Variants in CADM2 observed in about 807,000 individuals in gnomAD.
CADM2 encodes immunoglobulin superfamily member 4D.
CADM2 carries 12 observed loss-of-function variants against 49.8 expected under a neutral mutation model. The observed-to-expected ratio is 0.24, with a 90% CI of 0.15 to 0.39. The LOEUF (loss-of-function observed/expected upper bound fraction) is 0.39. Ranked by LOEUF, CADM2 falls within the 10% of genes least tolerant of loss-of-function variation. The pLI, the probability that CADM2 is intolerant of heterozygous loss-of-function variation, is 1.00. For synonymous variants in CADM2, 214 were observed against 175.4 expected (o/e 1.22, Z -1.74); for missense variants, 378 against 492.3 (o/e 0.77, Z 2.20).
At chr3:85,855,533 AT>A (rs2075272009) in intron 3 of CADM2, among the ~76,000 whole-genome samples, 1 of 148,764 alleles carries the variant, frequency 6.7e-6, no homozygotes, top group South Asian at 2.1e-4. Context: ...TTCAGTAAAA[AT>A]GTCAAGAATT....
chr3:85,302,734 A>T (rs999543172), intron 1 of CADM2, among the ~76,000 whole-genome samples: 2 of 151,980 alleles, frequency 1.3e-5, no homozygotes, highest in African/African-American at 4.8e-5. Context: ...AGTGAGTCTG[A>T]CAAAAAGCTT....
At chr3:85,796,568 G>C (rs778829912) in intron 2 of CADM2, among the ~76,000 whole-genome samples, 3 of 152,104 alleles carry the variant, frequency 2.0e-5, no homozygotes, top group Non-Finnish European at 2.9e-5. Flanking sequence ...AGGAGACAAA[G>C]CCTCTGATAT....
At chr3:85,287,077 T>C (rs2043650925) in intron 1 of CADM2, among the ~76,000 whole-genome samples, 1 of 152,090 alleles carries the variant, frequency 6.6e-6, no homozygotes, top group South Asian at 2.1e-4. Context: ...AGTATAGAAT[T>C]TAACTGAACA....
intron 1 of CADM2, among the ~76,000 whole-genome samples, chr3:85,571,490 CAT>C (rs1286372425): frequency 6.6e-6 from 1 of 151,744 alleles, no homozygotes; most frequent in Non-Finnish European, 1.5e-5. Flanking sequence ...CGCATGTGCA[CAT>C]GTGTGTATTT....
chr3:85,571,480 C>T (rs529521116), intron 1 of CADM2, among the ~76,000 whole-genome samples: 22 of 151,478 alleles, frequency 1.5e-4, no homozygotes, highest in African/African-American at 3.1e-4. Context: ...TGTGTGCACA[C>T]GCATGTGCAC....
Position 84,970,044 on chromosome 3 carries a change from C to CTTT in CADM2, c.61+10397_61+10399dup, listed in dbSNP as rs33980527. ...ACCAGATTATGTGTGGACTGACCTG[C>CTTT]TTTTTTTTTTTTTTTTTTTTTTTAC... On this transcript the variant is annotated intron_variant, in intron 1 of 9. Transcript: ENST00000383699. Among the ~76,000 whole-genome samples, 337 of 103,528 alleles carry CTTT rather than the reference C, an allele frequency of 3.3e-3. 5 individuals carry two copies. The highest frequency in any genetic ancestry group is 0.018 in the Middle Eastern group (3 of 168). 67.9% of individuals were successfully genotyped at this position (103,528 alleles called of 152,430 possible). A position where few individuals can be genotyped will look rare whatever the true frequency, so the allele number is the denominator to read the frequency against.
intron 1 of CADM2, among the ~76,000 whole-genome samples, chr3:85,466,784 G>C (rs2038513338): frequency 6.6e-6 from 1 of 150,666 alleles, no homozygotes; most frequent in African/African-American, 2.4e-5. Flanking sequence ...TTTTTCAACA[G>C]TTTCCCCCCA....
chr3:85,942,786 A>G (rs1158434276), intron 7 of CADM2, among the ~76,000 whole-genome samples: 1 of 152,084 alleles, frequency 6.6e-6, no homozygotes, highest in Non-Finnish European at 1.5e-5. Flanking sequence ...ATAATGTCGC[A>G]GTAAACATAC....
chr3:85,804,781 G>A (rs1255062110), intron 3 of CADM2, among the ~76,000 whole-genome samples: 1 of 152,104 alleles, frequency 6.6e-6, no homozygotes, highest in Non-Finnish European at 1.5e-5. Flanking sequence ...TAAAAGATTT[G>A]CAAAGACTTG....
chr3:85,312,579 A>G (rs765367745), intron 1 of CADM2, among the ~76,000 whole-genome samples: 20 of 152,170 alleles, frequency 1.3e-4, no homozygotes, highest in Non-Finnish European at 4.4e-5. Context: ...GAATGTTTAC[A>G]TCACTTATTA....
intron 1 of CADM2, among the ~76,000 whole-genome samples, chr3:85,363,058 A>G (rs527640302): frequency 8.5e-5 from 13 of 152,286 alleles, no homozygotes; most frequent in East Asian, 1.9e-4. Flanking sequence ...TGAGTACTCA[A>G]AGTCTCCTTA....
chr3:85,540,618 T>C (rs1315203490), intron 1 of CADM2, among the ~76,000 whole-genome samples: 2 of 152,174 alleles, frequency 1.3e-5, no homozygotes, highest in Non-Finnish European at 2.9e-5. Context: ...ACTCTCACAC[T>C]GAAATGTAAA....
At chr3:85,063,148 T>G (rs966251753) in intron 1 of CADM2, among the ~76,000 whole-genome samples, 1 of 151,952 alleles carries the variant, frequency 6.6e-6, no homozygotes, top group Non-Finnish European at 1.5e-5. Context: ...AAAAATAAAC[T>G]TTAAAATATT....
intron 1 of CADM2, among the ~76,000 whole-genome samples, chr3:85,394,956 G>A (rs2034697513): frequency 6.6e-6 from 1 of 151,976 alleles, no homozygotes; most frequent in Non-Finnish European, 1.5e-5. Context: ...TTTTCCCATA[G>A]TTTTCTCCTA....
chr3:85,763,451 C>T (rs1047049653), intron 2 of CADM2, among the ~76,000 whole-genome samples: 3 of 152,132 alleles, frequency 2.0e-5, no homozygotes, highest in African/African-American at 7.2e-5. Flanking sequence ...ACAAAGGTAG[C>T]TTTATATTCA....
chr3:85,708,580 G>C (rs1175050735), intron 1 of CADM2, among the ~76,000 whole-genome samples: 1 of 152,094 alleles, frequency 6.6e-6, no homozygotes, highest in Non-Finnish European at 1.5e-5. Context: ...AAGCAAAATG[G>C]ATCACTGTAA....
intron 1 of CADM2, among the ~76,000 whole-genome samples, chr3:85,315,611 G>T (rs993230387): frequency 6.6e-6 from 1 of 152,094 alleles, no homozygotes; most frequent in Non-Finnish European, 1.5e-5. Flanking sequence ...TTTTTGCCAT[G>T]TTGGAATAAA....
intron 8 of CADM2, among the ~76,000 whole-genome samples, chr3:86,027,104 C>G (rs998883675): frequency 1.3e-5 from 2 of 152,036 alleles, no homozygotes; most frequent in Non-Finnish European, 2.9e-5. Flanking sequence ...ATTCTAGTAA[C>G]AGGGTTCATC....
At chr3:85,430,704 G>T (rs1012378792) in intron 1 of CADM2, among the ~76,000 whole-genome samples, 1 of 150,972 alleles carries the variant, frequency 6.6e-6, no homozygotes, top group Non-Finnish European at 1.5e-5. Context: ...AGGGGTGGGG[G>T]CATGGGAGAG....
Sources: allele counts gnomAD v4.1 joint callset (sites outside exome capture counted in the v4.1 genomes callset), GRCh38; gene constraint gnomAD v4.1.1; transcripts MANE v1.5; gene names NCBI Gene and HGNC (gene_info 2026-07-23, HGNC 2026-07-21).